Variants in PLD3 observed in about 807,000 individuals in gnomAD.
PLD3 encodes 5'-3' exonuclease PLD3.
PLD3 carries 31 observed loss-of-function variants against 58.4 expected under a neutral mutation model. The observed-to-expected ratio is 0.53, with a 90% CI of 0.40 to 0.72. The LOEUF (loss-of-function observed/expected upper bound fraction) is 0.72. Ranked by LOEUF, PLD3 falls within the 30% of genes least tolerant of loss-of-function variation. The probability of loss-of-function intolerance (pLI) is 0.00; values close to 1 mark genes in which losing one functional copy is unlikely to be tolerated. For synonymous variants in PLD3, 264 were observed against 273.4 expected (o/e 0.97, Z 0.34); for missense variants, 595 against 659.8 (o/e 0.90, Z 1.08).
At chr19:40,372,403 A>AGG (rs1285525018) in intron 9 of PLD3, among the ~76,000 whole-genome samples, 1 of 152,148 alleles carries the variant, frequency 6.6e-6, no homozygotes, top group Admixed American at 6.6e-5. Flanking sequence ...AGGCTGAGGC[A>AGG]GGGGGATCAC....
intron 10 of PLD3, among the ~76,000 whole-genome samples, chr19:40,375,971 T>C (rs1012189015): frequency 6.6e-6 from 1 of 152,064 alleles, no homozygotes; most frequent in Non-Finnish European, 1.5e-5. Flanking sequence ...GAGGATCACT[T>C]GAGCCCAGGA....
intron 6 of PLD3, among the ~76,000 whole-genome samples, chr19:40,369,102 G>A (rs752123767): frequency 1.3e-5 from 2 of 152,042 alleles, no homozygotes; most frequent in Non-Finnish European, 2.9e-5. Context: ...TCTAGCCTGG[G>A]CAACATAGTG....
rs2145692470 is a variant in PLD3 at position 40,369,931 on chromosome 19, G to A, written c.453G>A (p.Leu151=). The change falls in exon 7 of 13, where the codon CTG becomes CTA. Residue 151 remains leucine, a synonymous_variant. Coordinates refer to ENST00000409735, the MANE Select transcript of PLD3 (RefSeq NM_012268.4). ...AQQGEEVLRQ[L]QTLAPKGVNV... ...AGGGTGAGGAGGTCCTCCGGCAGCTGCAGACCCTGGCACCAAAGGGCGTGA... is the reference window on the plus strand; with the variant it reads ...AGGGTGAGGAGGTCCTCCGGCAGCTACAGACCCTGGCACCAAAGGGCGTGA... 6.4e-7 allele frequency: 1 copy of A among 1,560,764 alleles called. No homozygotes were observed. Among genetic ancestry groups the A allele is most frequent in the Non-Finnish European group, 8.7e-7 (1 of 1,153,368 alleles).
At chr19:40,350,260 CA>C (rs763559067) in intron 1 of PLD3, among the ~76,000 whole-genome samples, 188 of 68,090 alleles carry the variant, frequency 2.8e-3, no homozygotes, top group African/African-American at 6.8e-3. Context: ...GACTCCGTCT[CA>C]AAAAAAAAAA....
At chr19:40,370,274 C>T (rs1289926209) in intron 8 of PLD3, 37 bp downstream of exon 8, 1 of 1,590,468 alleles carries the variant, frequency 6.3e-7, no homozygotes, top group Admixed American at 1.7e-5. Flanking sequence ...TTCCAGGCCA[C>T]TCCCTGCCCC....
rs774211382 is a variant in PLD3 at position 40,376,691 on chromosome 19, G to A, written c.1102G>A (p.Gly368Arg). 4.4e-6 allele frequency: 7 copies of A among 1,605,078 alleles called. No individual in the cohort carries two copies. The highest frequency in any genetic ancestry group is 5.9e-6 in the Non-Finnish European group (7 of 1,179,994). ...GGTGCGCCTGCTCATCAGCTGCTGG[G>A]GACACTCGGAGCCATCCATGCGGGC... ...VKVRLLISCWGHSEPSMRAFL... is the reference protein window; with the variant it reads ...VKVRLLISCWRHSEPSMRAFL... The change falls in exon 11 of 13, where the codon GGA (glycine) becomes AGA (arginine). Residue 368 changes from glycine (G) to arginine (R), a missense_variant. By Grantham distance (125) the Gly-to-Arg change is moderately radical. Transcript: ENST00000409735.
At chr19:40,374,646 G>T in intron 10 of PLD3, 26 bp downstream of exon 10, 1 of 1,613,516 alleles carries the variant, frequency 6.2e-7, no homozygotes, top group South Asian at 1.1e-5. Flanking sequence ...GAGATAGGGA[G>T]CCGCTGCAGT....
At position 40,366,767 on chromosome 19, in the gene PLD3, C is replaced by T; in HGVS notation, c.103-6C>T. The T allele has an allele frequency of 6.2e-7, 1 of 1,613,914 alleles. No individual in the cohort carries two copies. The highest frequency in any genetic ancestry group is 8.5e-7 in the Non-Finnish European group (1 of 1,179,874). On this transcript the variant is annotated splice_polypyrimidine_tract_variant and splice_region_variant and intron_variant, in intron 4 of 12. Transcript: ENST00000409735. Reference sequence around the variant, plus strand: ...GGGCTGGCTGACCACCTCCTCCTCCCCACAGAAAGCCCGCTGGGTCCTGCT... The same window carrying T: ...GGGCTGGCTGACCACCTCCTCCTCCTCACAGAAAGCCCGCTGGGTCCTGCT...
intron 1 of PLD3, among the ~76,000 whole-genome samples, chr19:40,355,389 C>T (rs1350928747): frequency 7.3e-5 from 11 of 150,990 alleles, no homozygotes; most frequent in Admixed American, 4.6e-4. Flanking sequence ...CTCAGCTCAC[C>T]GCAACCTCTG....
Position 40,366,691 on chromosome 19 carries a change from G to T in PLD3, c.102+7G>T, listed in dbSNP as rs773794102. 1.2e-6 allele frequency: 2 copies of T among 1,610,506 alleles called. No individual in the cohort carries two copies. Among genetic ancestry groups the T allele is most frequent in the Admixed American group, 3.4e-5 (2 of 59,634 alleles). On this transcript the variant is annotated splice_region_variant and intron_variant, in intron 4 of 12. Transcript: ENST00000409735. ...GTGGAAGGCTGCGGAAAAGGTAGGA[G>T]CCCTCCGCCACCCTCGCTCTGTCTC... is the stretch of plus-strand genomic sequence containing the variant.
intron 1 of PLD3, chr19:40,357,000 T>A (rs1420510307): frequency 6.6e-6 from 1 of 152,112 alleles, no homozygotes; most frequent in Non-Finnish European, 1.5e-5. Context: ...GACTGACTTC[T>A]CTCCCTAGGA....
chr19:40,352,774 G>A (rs1394938152), intron 1 of PLD3, among the ~76,000 whole-genome samples: 1 of 151,936 alleles, frequency 6.6e-6, no homozygotes, highest in Non-Finnish European at 1.5e-5. Flanking sequence ...AGCAGCCTGG[G>A]CAATGTGGTG....
chr19:40,367,170 C>A, intron 5 of PLD3: 2 of 494,838 alleles, frequency 4.0e-6, no homozygotes, highest in Non-Finnish European at 7.1e-6. Flanking sequence ...ACACACACAT[C>A]TCAATACACG....
chr19:40,366,413 T>C lies in PLD3; in HGVS notation c.-65-6T>C, dbSNP rs2078923312. On this transcript the variant is annotated splice_polypyrimidine_tract_variant and splice_region_variant and intron_variant, in intron 2 of 12. Coordinates refer to ENST00000409735, the MANE Select transcript of PLD3 (RefSeq NM_012268.4). ...CCCCACACAGTGCCCACTTTTGTTCTGCCAGTTTGGAGACCCTGACACACC... is the reference window on the plus strand; with the variant it reads ...CCCCACACAGTGCCCACTTTTGTTCCGCCAGTTTGGAGACCCTGACACACC... 7.9e-6 allele frequency: 11 copies of C among 1,387,252 alleles called. No homozygotes were observed. Among genetic ancestry groups the C allele is most frequent in the Non-Finnish European group, 1.1e-5 (11 of 973,374 alleles). 85.9% of individuals were successfully genotyped at this position (1,387,252 alleles called of 1,614,324 possible).
chr19:40,366,894 C>T lies in PLD3; in HGVS notation c.224C>T (p.Ala75Val). The change falls in exon 5 of 13, where the codon GCC becomes GTC. Residue 75 changes from alanine (A) to valine (V), a missense_variant. Transcript: ENST00000409735. ...CTCTTTGGGCCCAACCAGCGCCCAG[C>T]CCCCTGCTATGACCCTTGCGAGTAA... is the stretch of plus-strand genomic sequence containing the variant. ...LHLFGPNQRP[A>V]PCYDPCEAVL... 7 of 1,610,542 alleles carry T rather than the reference C, an allele frequency of 4.3e-6. No homozygotes were observed. The highest frequency in any genetic ancestry group is 1.1e-5 in the South Asian group (1 of 90,606).
intron 1 of PLD3, chr19:40,355,887 T>A (rs926462244): frequency 3.9e-5 from 6 of 152,184 alleles, no homozygotes; most frequent in African/African-American, 1.4e-4. Flanking sequence ...ATCACAGCAC[T>A]GATTTTGAGC....
chr19:40,366,946 AG>A (rs1600303980), intron 5 of PLD3, 31 bp downstream of exon 5: 2 of 1,572,770 alleles, frequency 1.3e-6, no homozygotes, highest in East Asian at 2.2e-5. Flanking sequence ...TTGGTGGGGG[AG>A]GGGCCTGCCA....
chr19:40,364,461 A>G (rs2078864133), intron 1 of PLD3, among the ~76,000 whole-genome samples: 1 of 151,480 alleles, frequency 6.6e-6, no homozygotes, highest in Non-Finnish European at 1.5e-5. Flanking sequence ...AGCCTGGGCA[A>G]TAAGCAAGAC....
chr19:40,375,250 A>T (rs2079165253), intron 10 of PLD3, among the ~76,000 whole-genome samples: 1 of 150,570 alleles, frequency 6.6e-6, no homozygotes, highest in Non-Finnish European at 1.5e-5. Context: ...GGATTTGGGG[A>T]GGTAGGAGGC....
Sources: gnomAD v4.1 joint callset for allele counts (sites outside exome capture counted in the v4.1 genomes callset) on GRCh38, gnomAD v4.1.1 for gene constraint, MANE v1.5 for transcripts, NCBI Gene and HGNC (gene_info 2026-07-23, HGNC 2026-07-21) for gene names.